Variants in MYO16 observed in about 807,000 individuals in gnomAD.
MYO16 encodes the protein unconventional myosin-XVI.
MYO16 carries 94 observed loss-of-function variants against 205.3 expected under a neutral mutation model. That is an observed-to-expected ratio of 0.46 (90% CI 0.39 to 0.54). MYO16 has a LOEUF of 0.54. Ranked by LOEUF, MYO16 falls within the 20% of genes least tolerant of loss-of-function variation. The pLI, the probability that MYO16 is intolerant of heterozygous loss-of-function variation, is 0.00. For missense variants in MYO16, 2,315 were observed against 2,387.5 expected, an observed-to-expected ratio of 0.97 and a Z score of 0.63; for synonymous variants, 988 against 954.0, an observed-to-expected ratio of 1.04 and a Z score of -0.66.
rs540999293 is a variant in MYO16 at position 108,608,996 on chromosome 13, T to A, written c.-39+12757T>A. On this transcript the variant is annotated intron_variant, in intron 1 of 24. Transcript: ENST00000251041. ...AAATCAATGTAAAAAAATTTTTTAA[T>A]CTTTATTTTTTGAAGGACATTGAAA... Among the ~76,000 whole-genome samples the A allele has an allele frequency of 1.2e-4, 18 of 152,248 alleles. No homozygotes were observed. In the South Asian group the frequency reaches 3.1e-3, roughly 26 times the overall value.
chr13:108,655,834 A>G (rs1881219685), intron 1 of MYO16, among the ~76,000 whole-genome samples: 1 of 152,124 alleles, frequency 6.6e-6, no homozygotes, highest in East Asian at 1.9e-4. Flanking sequence ...TTAGACTTGC[A>G]TGGGTTCTGT....
At chr13:108,826,615 C>G (rs1048389108) in intron 9 of MYO16, among the ~76,000 whole-genome samples, 3 of 151,632 alleles carry the variant, frequency 2.0e-5, no homozygotes, top group African/African-American at 7.3e-5. Flanking sequence ...AAAAAAGACA[C>G]ACAATGGGAG....
intron 21 of MYO16, among the ~76,000 whole-genome samples, chr13:109,007,872 A>C (rs1885452417): frequency 6.6e-6 from 1 of 152,176 alleles, no homozygotes; most frequent in Non-Finnish European, 1.5e-5. Context: ...CCCCACATTC[A>C]TTCTTGCCCA....
At chr13:108,509,478 A>G in the MYO16 span, among the ~76,000 whole-genome samples, 1 of 152,210 alleles carries the variant, frequency 6.6e-6, no homozygotes, top group Non-Finnish European at 1.5e-5. Flanking sequence ...GTATACATGT[A>G]TGTGTACATA....
chr13:108,597,787 A>G (rs571694280), intron 1 of MYO16, among the ~76,000 whole-genome samples: 2 of 152,268 alleles, frequency 1.3e-5, no homozygotes, highest in South Asian at 2.1e-4. Flanking sequence ...GGTCAAGGTA[A>G]AGAACATTAG....
intron 3 of MYO16, among the ~76,000 whole-genome samples, chr13:108,715,553 C>A (rs1473023779): frequency 6.6e-6 from 1 of 152,144 alleles, no homozygotes; most frequent in Non-Finnish European, 1.5e-5. Context: ...CTCGGAGATG[C>A]TCAGTAGATT....
At chr13:108,966,825 T>A (rs80212765) in intron 20 of MYO16, among the ~76,000 whole-genome samples, 4,087 of 152,216 alleles carry the variant, frequency 0.027, 183 homozygotes, top group African/African-American at 0.094. Context: ...AGCTTATGGT[T>A]TTGCAGATTT....
chr13:108,769,071 C>G (rs1885873191), intron 4 of MYO16, among the ~76,000 whole-genome samples: 2 of 152,168 alleles, frequency 1.3e-5, no homozygotes, highest in East Asian at 1.9e-4. Flanking sequence ...AAAGGATATT[C>G]TCTCACAGAT....
Position 108,823,215 on chromosome 13 carries a change from C to T in MYO16, c.1034C>T (p.Thr345Ile), listed in dbSNP as rs981909138. The T allele has an allele frequency of 4.3e-6, 7 of 1,613,242 alleles. No homozygotes were observed. The highest frequency in any genetic ancestry group is 5.9e-6 in the Non-Finnish European group (7 of 1,179,472). ...ATGAAAGAGCCTTTATCTGCTTCTA[C>T]CTTAGCTCAAGAAGAGCCCTATGAA... ...EKMKEPLSAS[T>I]LAQEEPYEEI... The change falls in exon 9 of 35, where the codon ACC (threonine) becomes ATC (isoleucine). Residue 345 changes from threonine to isoleucine, a missense_variant. This residue lies in a region of MYO16 where 1,213 missense variants were observed against 1,274.4 expected (regional missense o/e 0.95). Transcript: ENST00000457511.
intron 22 of MYO16, among the ~76,000 whole-genome samples, chr13:109,012,122 G>C (rs1885622658): frequency 6.6e-6 from 1 of 152,140 alleles, no homozygotes; most frequent in Non-Finnish European, 1.5e-5. Flanking sequence ...AGGTAGATTT[G>C]AAATGTCAAC....
intron 2 of MYO16, among the ~76,000 whole-genome samples, chr13:108,670,765 T>A (rs1250666875): frequency 2.0e-5 from 3 of 152,192 alleles, no homozygotes; most frequent in African/African-American, 7.2e-5. Flanking sequence ...CTTTCTATAG[T>A]TTTTAGAATA....
chr13:108,854,952 A>C lies in MYO16; in HGVS notation c.1249-491A>C, dbSNP rs564458453. Among the ~76,000 whole-genome samples, 3 of 152,368 alleles carry C rather than the reference A, an allele frequency of 2.0e-5. No individual in the cohort carries two copies. The South Asian group carries it at 6.2e-4, about 32-fold the overall frequency. On this transcript the variant is annotated intron_variant, in intron 10 of 34. Coordinates refer to ENST00000457511, the MANE Select transcript of MYO16 (RefSeq NM_001198950.3). ...ATAGAAAGATCTGAAGTCTACCTTTAAAACCTGGCCTCATCCTACATGAAT... is the reference window on the plus strand; with the variant it reads ...ATAGAAAGATCTGAAGTCTACCTTTCAAACCTGGCCTCATCCTACATGAAT...
chr13:108,727,379 T>A (rs1449309608), intron 3 of MYO16, 61 bp from the exon 4 acceptor site: 1 of 1,528,396 alleles, frequency 6.5e-7, no homozygotes, highest in East Asian at 2.3e-5. Context: ...CTGTGGACAT[T>A]TGGAATAAGC....
At chr13:108,756,213 T>G (rs1885417764) in intron 4 of MYO16, among the ~76,000 whole-genome samples, 1 of 152,056 alleles carries the variant, frequency 6.6e-6, no homozygotes, top group African/African-American at 2.4e-5. Flanking sequence ...CTAGACTTAT[T>G]TTTCAGTAGA....
At chr13:108,554,774 C>T in the MYO16 span, among the ~76,000 whole-genome samples, 1 of 147,718 alleles carries the variant, frequency 6.8e-6, no homozygotes, top group Non-Finnish European at 1.5e-5. Flanking sequence ...GACGTGAACC[C>T]GGGAAGCAGA....
chr13:109,111,940 C>T (rs1360081389), intron 28 of MYO16, among the ~76,000 whole-genome samples: 1 of 152,170 alleles, frequency 6.6e-6, no homozygotes, highest in Non-Finnish European at 1.5e-5. Flanking sequence ...CCCACCTCGG[C>T]CTCCCAAAGT....
At chr13:108,689,405 C>T (rs1882805990) in intron 2 of MYO16, among the ~76,000 whole-genome samples, 1 of 151,998 alleles carries the variant, frequency 6.6e-6, no homozygotes, top group Admixed American at 6.6e-5. Context: ...AATACATATA[C>T]AGACATTTTT....
chr13:108,821,872 T>C (rs576105873), intron 8 of MYO16, among the ~76,000 whole-genome samples: 3 of 152,174 alleles, frequency 2.0e-5, no homozygotes, highest in Non-Finnish European at 4.4e-5. Context: ...ATTCATGGCC[T>C]GTTGGCAATA....
chr13:108,657,926 A>C (rs1881318065), intron 1 of MYO16, among the ~76,000 whole-genome samples: 2 of 152,166 alleles, frequency 1.3e-5, no homozygotes, highest in African/African-American at 4.8e-5. Flanking sequence ...AATGTTTTAA[A>C]ATAAGCCACC....
Sources: gnomAD v4.1 joint callset for allele counts (sites outside exome capture counted in the v4.1 genomes callset) on GRCh38, gnomAD v4.1.1 for gene constraint, gnomAD v4.1.1 regional missense constraint, MANE v1.5 for transcripts, NCBI Gene and HGNC (gene_info 2026-07-23, HGNC 2026-07-21) for gene names.